SHANK2: variants seen among roughly 807,000 people sequenced by gnomAD.
SHANK2 encodes SH3 and multiple ankyrin repeat domains 2.
SHANK2 carries 43 observed loss-of-function variants against 133.7 expected under a neutral mutation model. The ratio of observed to expected loss-of-function variants is 0.32; its 90% CI spans 0.25 to 0.41. SHANK2 has a LOEUF of 0.41. Ranked by LOEUF, SHANK2 falls within the 10% of genes least tolerant of loss-of-function variation. The probability of loss-of-function intolerance (pLI) is 1.00; values close to 1 mark genes in which losing one functional copy is unlikely to be tolerated. For missense variants in SHANK2, 1,994 were observed against 2,235.8 expected (o/e 0.89, Z 2.18); for synonymous variants, 1,017 against 952.8 (o/e 1.07, Z -1.24).
At chr11:70,515,682 T>C (rs1167892236) in intron 17 of SHANK2, among the ~76,000 whole-genome samples, 1 of 145,838 alleles carries the variant, frequency 6.9e-6, no homozygotes, top group Non-Finnish European at 1.5e-5. Flanking sequence ...TAGCCAAGTA[T>C]GGCAGCACGT....
At position 70,802,105 on chromosome 11, in the gene SHANK2, C is replaced by T. The variant is rs77973109; in HGVS notation, c.1664-3549G>A. Among the ~76,000 whole-genome samples the T allele has an allele frequency of 1.8e-3, 276 of 152,174 alleles. 1 individual carries two copies. Among genetic ancestry groups the T allele is most frequent in the African/African-American group, 6.5e-3 (270 of 41,508 alleles). ...GGCACTGCACCCAGGGCATGAGGAC[C>T]GGGAGAGGGGCACATACGGCACGGC... On this transcript the variant is annotated intron_variant, in intron 13 of 25. Transcript: ENST00000601538.
chr11:70,711,536 A>C (rs942925969), intron 14 of SHANK2, among the ~76,000 whole-genome samples: 7 of 152,260 alleles, frequency 4.6e-5, no homozygotes, highest in Non-Finnish European at 8.8e-5. Flanking sequence ...CACAGGCAGC[A>C]GTGCCGCAGG....
upstream of SHANK2, among the ~76,000 whole-genome samples, chr11:71,252,857 C>T (rs1438976254): frequency 6.6e-6 from 1 of 152,194 alleles, no homozygotes; most frequent in African/African-American, 2.4e-5. The surrounding 1 kb of genome is among the most constrained non-coding windows in gnomAD (Gnocchi z 6.3). Flanking sequence ...CGGACCTCCC[C>T]CTCCCTGGCC....
intron 14 of SHANK2, chr11:70,705,171 G>A (rs1461459335): frequency 6.6e-6 from 1 of 152,062 alleles, no homozygotes; most frequent in Non-Finnish European, 1.5e-5. Flanking sequence ...ATTTTTTTAA[G>A]GCTAGTCAGG....
intron 10 of SHANK2, among the ~76,000 whole-genome samples, chr11:70,934,457 G>C (rs1266320585): frequency 5.3e-5 from 8 of 152,070 alleles, no homozygotes; most frequent in African/African-American, 1.9e-4. Flanking sequence ...GCTCTGCCTG[G>C]GAAGCAGTCC....
chr11:71,249,708 G>A (rs78371568), intron 1 of SHANK2, among the ~76,000 whole-genome samples: 1,745 of 152,268 alleles, frequency 0.011, 26 homozygotes, highest in African/African-American at 0.039. Context: ...GAACTCTCTC[G>A]TCTGCAACTC....
At chr11:70,933,862 T>C (rs1221630703) in intron 10 of SHANK2, among the ~76,000 whole-genome samples, 1 of 147,208 alleles carries the variant, frequency 6.8e-6, no homozygotes, top group Admixed American at 6.9e-5. Flanking sequence ...ATTGCACCAC[T>C]GCCCTCCAGC....
intron 14 of SHANK2, among the ~76,000 whole-genome samples, chr11:70,743,561 T>C (rs541997153): frequency 3.1e-4 from 47 of 152,322 alleles, no homozygotes; most frequent in African/African-American, 1.1e-3. Context: ...TGATTCCTAC[T>C]GGGACTTTAT....
At position 70,661,500 on chromosome 11, in the gene SHANK2, TACACACACACACACACACACACACAC is replaced by T. The variant is rs3837380; in HGVS notation, c.1936+70_1936+95del. On this transcript the variant is annotated intron_variant, in intron 16 of 25. Transcript: ENST00000601538. Reference sequence around the variant, plus strand: ...GGGGAACGTTTTTCATGCAGGCGTATACACACACACACACACACACACACACACACACACACACACACACACACACA... The same window carrying T: ...GGGGAACGTTTTTCATGCAGGCGTATACACACACACACACACACACACACA... The T allele has an allele frequency of 1.3e-4, 133 of 1,063,878 alleles. 1 individual carries two copies. Among genetic ancestry groups the T allele is most frequent in the South Asian group, 8.9e-4 (62 of 69,964 alleles). The allele number at this position is 1,063,878 out of a possible 1,614,324, so 65.9% of individuals were successfully genotyped here.
chr11:70,580,709 G>A (rs4980616), intron 17 of SHANK2, among the ~76,000 whole-genome samples: 34,238 of 152,218 alleles, frequency 0.22, 4,242 homozygotes, highest in East Asian at 0.46. Flanking sequence ...CCGCTTCCCC[G>A]CTGCTGGCTG....
intron 14 of SHANK2, among the ~76,000 whole-genome samples, chr11:70,744,207 A>C (rs1340399748): frequency 2.6e-5 from 4 of 152,212 alleles, no homozygotes; most frequent in African/African-American, 9.6e-5. Flanking sequence ...CCCATGGCCG[A>C]GGCTTTAGCC....
intron 11 of SHANK2, among the ~76,000 whole-genome samples, chr11:70,878,013 C>T (rs569921155): frequency 3.9e-5 from 6 of 152,316 alleles, no homozygotes; most frequent in South Asian, 2.1e-4. Flanking sequence ...GCGAAGAATG[C>T]AGAGAAGCAG....
rs111760371 is a variant in SHANK2 at position 70,951,119 on chromosome 11, G to A, written c.1108-54552C>T. ...TCTCCCCTGACTGCTGCACCATGACGTCATAAATTCATTTCCCCTGGCTGC... is the reference window on the plus strand; with the variant it reads ...TCTCCCCTGACTGCTGCACCATGACATCATAAATTCATTTCCCCTGGCTGC... On this transcript the variant is annotated intron_variant, in intron 10 of 25. Coordinates refer to ENST00000601538, the MANE Select transcript of SHANK2 (RefSeq NM_012309.5). 4.1e-3 allele frequency: 1,371 copies of A among 331,224 alleles called. 23 individuals are homozygous for A. In the African/African-American group the frequency reaches 0.042, roughly 10 times the overall value. The allele number at this position is 331,224 out of a possible 1,614,324, so 20.5% of individuals were successfully genotyped here.
At chr11:70,678,299 G>A (rs1460857135) in intron 15 of SHANK2, among the ~76,000 whole-genome samples, 1 of 151,722 alleles carries the variant, frequency 6.6e-6, no homozygotes, top group Non-Finnish European at 1.5e-5. Context: ...TGCGCCACCA[G>A]GCCCAGCTAA....
chr11:71,202,282 G>C (rs917300789), intron 2 of SHANK2, among the ~76,000 whole-genome samples: 3 of 152,172 alleles, frequency 2.0e-5, no homozygotes, highest in Non-Finnish European at 4.4e-5. Flanking sequence ...CCTCCCCTCA[G>C]GGCCTAGACA....
At chr11:70,529,078 G>A (rs1554972692) in intron 17 of SHANK2, among the ~76,000 whole-genome samples, 1 of 152,122 alleles carries the variant, frequency 6.6e-6, no homozygotes, top group Admixed American at 6.5e-5. Context: ...AGACACCCTG[G>A]TCACTTACTC....
intron 10 of SHANK2, among the ~76,000 whole-genome samples, chr11:70,901,743 G>A (rs1590813412): frequency 2.0e-5 from 3 of 152,170 alleles, no homozygotes; most frequent in South Asian, 2.1e-4. Flanking sequence ...GCAAGCCATC[G>A]CCAGCTTTGG....
chr11:70,733,732 G>A (rs142807493), intron 14 of SHANK2, among the ~76,000 whole-genome samples: 80 of 152,304 alleles, frequency 5.3e-4, no homozygotes, highest in Non-Finnish European at 9.9e-4. Context: ...AGGGTGGGCC[G>A]TGCCCCACTA....
chr11:70,488,481 G>A (rs546419430), intron 24 of SHANK2, among the ~76,000 whole-genome samples: 1 of 152,186 alleles, frequency 6.6e-6, no homozygotes, highest in Non-Finnish European at 1.5e-5. Context: ...CCCCACTAAG[G>A]GTTCTATGTG....
Sources: gnomAD v4.1 joint callset for allele counts (sites outside exome capture counted in the v4.1 genomes callset) on GRCh38, gnomAD v4.1.1 for gene constraint, Gnocchi (gnomAD v3.1) non-coding constraint, MANE v1.5 for transcripts, NCBI Gene and HGNC (gene_info 2026-07-23, HGNC 2026-07-21) for gene names.